SPOCK3: variants seen among roughly 807,000 people sequenced by gnomAD.
SPOCK3 encodes the protein testican-3.
In SPOCK3, 30 loss-of-function variants were observed where a neutral mutation model predicts 56.6. The observed-to-expected ratio is 0.53, with a 90% confidence interval of 0.40 to 0.72. The LOEUF (loss-of-function observed/expected upper bound fraction) is 0.72. Among genes scored for constraint, SPOCK3 ranks in the 30% least tolerant of loss-of-function variants. The pLI, the probability that SPOCK3 is intolerant of heterozygous loss-of-function variation, is 0.00. For missense variants in SPOCK3, 527 were observed against 530.0 expected, an observed-to-expected ratio of 0.99 and a Z score of 0.06; for synonymous variants, 196 against 183.3, an observed-to-expected ratio of 1.07 and a Z score of -0.56.
intron 3 of SPOCK3, among the ~76,000 whole-genome samples, chr4:167,041,308 G>T (rs920562218): frequency 7.9e-5 from 12 of 152,224 alleles, no homozygotes; most frequent in African/African-American, 2.9e-4. Flanking sequence ...TGTAGTATGT[G>T]TTCAACAAAT....
intron 7 of SPOCK3, among the ~76,000 whole-genome samples, chr4:166,783,759 T>C (rs1740430261): frequency 6.6e-6 from 1 of 152,146 alleles, no homozygotes; most frequent in Non-Finnish European, 1.5e-5. Context: ...ATACTTTTTC[T>C]ATTGGTTTTA....
intron 4 of SPOCK3, among the ~76,000 whole-genome samples, chr4:166,962,525 A>G (rs1008566359): frequency 3.3e-5 from 5 of 152,176 alleles, no homozygotes; most frequent in African/African-American, 1.2e-4. Flanking sequence ...GTTAACAAGA[A>G]TGCCATTTGC....
intron 6 of SPOCK3, among the ~76,000 whole-genome samples, chr4:166,817,081 A>T: frequency 6.6e-6 from 1 of 152,038 alleles, no homozygotes; most frequent in East Asian, 1.9e-4. Context: ...TCAGTTTATT[A>T]CCCACAGCGA....
At chr4:166,806,011 A>C (rs924041673) in intron 6 of SPOCK3, among the ~76,000 whole-genome samples, 20 of 152,104 alleles carry the variant, frequency 1.3e-4, no homozygotes, top group African/African-American at 4.3e-4. Flanking sequence ...TACTCCATAC[A>C]CTGGATTCAA....
chr4:166,751,541 C>T (rs547951100), intron 8 of SPOCK3, among the ~76,000 whole-genome samples: 1 of 152,088 alleles, frequency 6.6e-6, no homozygotes, highest in African/African-American at 2.4e-5. Context: ...TATTCATGTA[C>T]TCATTTCATA....
intron 10 of SPOCK3, among the ~76,000 whole-genome samples, chr4:166,736,089 C>T (rs1418749157): frequency 1.3e-5 from 2 of 151,956 alleles, no homozygotes; most frequent in South Asian, 2.1e-4. Flanking sequence ...ATAACAAATC[C>T]TATTGATGTA....
At chr4:166,794,369 C>T (rs963178962) in intron 6 of SPOCK3, among the ~76,000 whole-genome samples, 2 of 152,036 alleles carry the variant, frequency 1.3e-5, no homozygotes, top group African/African-American at 4.8e-5. Flanking sequence ...AGGAATTCTA[C>T]ATATGCATAC....
At chr4:166,982,474 C>T (rs115162908) in intron 4 of SPOCK3, among the ~76,000 whole-genome samples, 2,570 of 152,232 alleles carry the variant, frequency 0.017, 66 homozygotes, top group African/African-American at 0.058. Flanking sequence ...ATGGCGTGAA[C>T]TCGGGAGATG....
chr4:166,844,137 C>G (rs556248905), intron 6 of SPOCK3, among the ~76,000 whole-genome samples: 6 of 152,268 alleles, frequency 3.9e-5, no homozygotes, highest in Admixed American at 1.3e-4. Flanking sequence ...CTTAGAAAAG[C>G]CCACTGATGT....
intron 9 of SPOCK3, among the ~76,000 whole-genome samples, chr4:166,738,413 ATTTTTTAT>A (rs769118971): frequency 7.2e-5 from 9 of 124,288 alleles, no homozygotes; most frequent in Admixed American, 3.0e-4. Flanking sequence ...ATAGATAAAT[ATTTTTTAT>A]TTATTTATTT....
chr4:167,221,268 G>A (rs1306359061), intron 2 of SPOCK3, among the ~76,000 whole-genome samples: 3 of 151,840 alleles, frequency 2.0e-5, no homozygotes, highest in South Asian at 2.1e-4. Flanking sequence ...CTTGAGAAGC[G>A]AAAGTGGGAG....
chr4:166,802,807 A>ATG lies in SPOCK3; in HGVS notation c.590-10520_590-10519dup, dbSNP rs141893282. Among the ~76,000 whole-genome samples, 701 of 151,912 alleles carry ATG rather than the reference A, an allele frequency of 4.6e-3. 10 individuals are homozygous for ATG. The highest frequency in any genetic ancestry group is 0.016 in the African/African-American group (665 of 41,340). ...TTCACACATATACACACACATACAT[A>ATG]TGTGTGTGTGTGTACAACTTACAAC... On this transcript the variant is annotated intron_variant, in intron 6 of 10. Coordinates refer to ENST00000357545, the MANE Select transcript of SPOCK3 (RefSeq NM_001040159.2).
chr4:166,752,310 A>G (rs1274687969), intron 8 of SPOCK3, among the ~76,000 whole-genome samples: 2 of 152,146 alleles, frequency 1.3e-5, no homozygotes, highest in Admixed American at 1.3e-4. Context: ...GGCATGAGCA[A>G]CTGTGCCCAG....
At chr4:166,831,467 A>G (rs1746044271) in intron 6 of SPOCK3, among the ~76,000 whole-genome samples, 1 of 152,174 alleles carries the variant, frequency 6.6e-6, no homozygotes, top group Non-Finnish European at 1.5e-5. Context: ...TAAACTATAT[A>G]GGATAAAAAA....
intron 2 of SPOCK3, among the ~76,000 whole-genome samples, chr4:167,163,247 C>A (rs55710431): frequency 6.9e-6 from 1 of 144,528 alleles, no homozygotes; most frequent in Non-Finnish European, 1.5e-5. Context: ...ACTACATGAA[C>A]GTGTGTTCCT....
intron 4 of SPOCK3, among the ~76,000 whole-genome samples, chr4:166,926,921 A>C (rs112938453): frequency 5.4e-4 from 82 of 152,294 alleles, no homozygotes; most frequent in African/African-American, 1.9e-3. Context: ...AAGGTGTGAA[A>C]GAGAAAAAAT....
chr4:166,841,389 T>C (rs962357433), intron 6 of SPOCK3, among the ~76,000 whole-genome samples: 18 of 152,210 alleles, frequency 1.2e-4, no homozygotes, highest in Non-Finnish European at 2.9e-5. Context: ...CATAGACTTA[T>C]AGAATTACAA....
At chr4:167,062,596 T>C (rs1460014706) in intron 2 of SPOCK3, 59 bp from the exon 3 acceptor site, 2 of 1,341,038 alleles carry the variant, frequency 1.5e-6, no homozygotes, top group East Asian at 4.6e-5. Flanking sequence ...CAAGGGTTCA[T>C]ATAAAATCTA....
intron 6 of SPOCK3, among the ~76,000 whole-genome samples, chr4:166,862,247 G>A (rs1045219014): frequency 5.9e-5 from 9 of 151,980 alleles, no homozygotes; most frequent in Admixed American, 1.3e-4. Flanking sequence ...CTTCCTACTC[G>A]ATGAACTTGA....
Sources: gnomAD v4.1 joint callset for allele counts (sites outside exome capture counted in the v4.1 genomes callset) on GRCh38, gnomAD v4.1.1 for gene constraint, MANE v1.5 for transcripts, NCBI Gene and HGNC (gene_info 2026-07-23, HGNC 2026-07-21) for gene names.